Variants in EPHA5 observed in about 807,000 individuals in gnomAD.
EPHA5 encodes the protein ephrin type-A receptor 5.
EPHA5 carries 60 observed loss-of-function variants against 105.0 expected under a neutral mutation model. The ratio of observed to expected loss-of-function variants is 0.57; its 90% CI spans 0.46 to 0.71. The LOEUF is 0.71. EPHA5 is among the 30% of genes least tolerant of loss of function. The probability of loss-of-function intolerance (pLI) is 0.00; values close to 1 mark genes in which losing one functional copy is unlikely to be tolerated. For missense variants in EPHA5, 1,218 were observed against 1,274.7 expected (o/e 0.96, Z 0.68); for synonymous variants, 513 against 449.1 (o/e 1.14, Z -1.80).
intron 5 of EPHA5, among the ~76,000 whole-genome samples, chr4:65,490,170 T>TTTTGC (rs1283620733): frequency 1.3e-5 from 2 of 152,030 alleles, no homozygotes; most frequent in Non-Finnish European, 2.9e-5. Flanking sequence ...TTTTGTTTTG[T>TTTTGC]TTTCCTGTAA....
chr4:65,472,734 C>G (rs562142456), intron 5 of EPHA5, among the ~76,000 whole-genome samples: 43 of 95,798 alleles, frequency 4.5e-4, no homozygotes, highest in African/African-American at 9.9e-4. Flanking sequence ...TGGGCCTGGC[C>G]CACAAAACCT....
intron 2 of EPHA5, among the ~76,000 whole-genome samples, chr4:65,630,641 G>A (rs1229126272): frequency 6.6e-6 from 1 of 151,984 alleles, no homozygotes; most frequent in Non-Finnish European, 1.5e-5. Context: ...TTCCACTCCT[G>A]CTCTAACACT....
At chr4:65,342,116 A>G (rs1269069352) in intron 14 of EPHA5, among the ~76,000 whole-genome samples, 3 of 151,998 alleles carry the variant, frequency 2.0e-5, no homozygotes, top group Non-Finnish European at 4.4e-5. Flanking sequence ...AAACTGACCA[A>G]GAGTTGTAGA....
chr4:65,334,573 G>A (rs1013450679), intron 15 of EPHA5, among the ~76,000 whole-genome samples: 3 of 151,946 alleles, frequency 2.0e-5, no homozygotes, highest in African/African-American at 4.8e-5. Flanking sequence ...GAGAAAGGGC[G>A]AGACAATGGA....
intron 5 of EPHA5, among the ~76,000 whole-genome samples, chr4:65,485,622 G>A (rs755411014): frequency 5.9e-5 from 9 of 151,942 alleles, no homozygotes; most frequent in Non-Finnish European, 1.0e-4. Context: ...TCATTTAATC[G>A]CTTCTATAGA....
chr4:65,632,403 CTG>C (rs1746728608), intron 2 of EPHA5, among the ~76,000 whole-genome samples: 1 of 139,380 alleles, frequency 7.2e-6, no homozygotes. Flanking sequence ...ACCATAATCT[CTG>C]TGCTTGGCAT....
At chr4:65,330,272 G>T (rs971406597) in intron 16 of EPHA5, among the ~76,000 whole-genome samples, 10 of 151,348 alleles carry the variant, frequency 6.6e-5, no homozygotes, top group Non-Finnish European at 1.3e-4. Flanking sequence ...GACATAAGAG[G>T]TTATTAGGGC....
At chr4:65,589,265 A>G (rs1472510988) in intron 3 of EPHA5, among the ~76,000 whole-genome samples, 6 of 152,032 alleles carry the variant, frequency 3.9e-5, no homozygotes, top group Admixed American at 3.3e-4. Context: ...TAACTTGTCC[A>G]TAATGGGAAA....
At chr4:65,369,630 C>T (rs1718261755) in intron 8 of EPHA5, among the ~76,000 whole-genome samples, 3 of 151,854 alleles carry the variant, frequency 2.0e-5, no homozygotes, top group Admixed American at 2.0e-4. Context: ...ATATATATTA[C>T]AAAAATGGCC....
At chr4:65,598,674 G>A (rs1156994711) in intron 3 of EPHA5, among the ~76,000 whole-genome samples, 2 of 152,188 alleles carry the variant, frequency 1.3e-5, no homozygotes, top group African/African-American at 4.8e-5. Context: ...AGCCTTGATT[G>A]ATTGGGGCAT....
intron 5 of EPHA5, among the ~76,000 whole-genome samples, chr4:65,469,950 A>T (rs1729127178): frequency 6.6e-6 from 1 of 152,148 alleles, no homozygotes; most frequent in Non-Finnish European, 1.5e-5. Context: ...CCTCCCCCAG[A>T]AAAAGCCAAA....
intron 16 of EPHA5, chr4:65,330,720 A>G (rs907424065): frequency 1.0e-6 from 1 of 956,512 alleles, no homozygotes; most frequent in African/African-American, 1.7e-5. Context: ...ATAGTTTTAA[A>G]TTATCAGTAA....
chr4:65,490,827 A>C, intron 4 of EPHA5, 115 bp from the exon 5 acceptor site: 1 of 1,100,196 alleles, frequency 9.1e-7, no homozygotes, highest in Non-Finnish European at 1.3e-6. Flanking sequence ...AAGTCCTTTA[A>C]GTCATAATTT....
intron 5 of EPHA5, among the ~76,000 whole-genome samples, chr4:65,437,441 A>C (rs577532131): frequency 6.6e-6 from 1 of 152,186 alleles, no homozygotes; most frequent in South Asian, 2.1e-4. Flanking sequence ...AGACATATCA[A>C]ATTTTAGAAT....
At position 65,550,708 on chromosome 4, in the gene EPHA5, C is replaced by T. The variant is rs182956930; in HGVS notation, c.910+50933G>A. Among the ~76,000 whole-genome samples the T allele has an allele frequency of 9.0e-4, 137 of 152,100 alleles. 1 individual carries two copies. Among genetic ancestry groups the T allele is most frequent in the African/African-American group, 3.1e-3 (127 of 41,510 alleles). On this transcript the variant is annotated intron_variant, in intron 3 of 16. Transcript: ENST00000613740. The stretch of plus-strand genomic sequence containing the variant: ...AAAATTAGCCAGGCATGGTGGCGCG[C>T]GCCTATAGTCCCAGCTAATCGAGGG...
chr4:65,372,321 A>G (rs1718557314), intron 8 of EPHA5, among the ~76,000 whole-genome samples: 1 of 151,976 alleles, frequency 6.6e-6, no homozygotes, highest in African/African-American at 2.4e-5. Context: ...GCATATGAAC[A>G]TTAAGTTATT....
At chr4:65,364,903 A>C (rs989800705) in intron 11 of EPHA5, 114 bp downstream of exon 11, 10 of 785,416 alleles carry the variant, frequency 1.3e-5, no homozygotes, top group Middle Eastern at 2.7e-4. Context: ...ATAAACATTA[A>C]TATTAGAGAA....
At chr4:65,357,765 G>A (rs1723441382) in intron 11 of EPHA5, among the ~76,000 whole-genome samples, 1 of 151,316 alleles carries the variant, frequency 6.6e-6, no homozygotes, top group South Asian at 2.1e-4. Context: ...AGTGTGTGTA[G>A]GGGTAATAAT....
intron 6 of EPHA5, among the ~76,000 whole-genome samples, chr4:65,415,551 T>C (rs1038329588): frequency 6.6e-6 from 1 of 152,046 alleles, no homozygotes; most frequent in Non-Finnish European, 1.5e-5. Context: ...TAGAGTTAAG[T>C]AGGTCCAAAA....
Sources: gnomAD v4.1 joint callset for allele counts (sites outside exome capture counted in the v4.1 genomes callset) on GRCh38, gnomAD v4.1.1 for gene constraint, MANE v1.5 for transcripts, NCBI Gene and HGNC (gene_info 2026-07-23, HGNC 2026-07-21) for gene names.